Variants in DPY30 observed in about 807,000 individuals in gnomAD.
DPY30 encodes the protein dpy-30 histone methyltransferase complex regulatory subunit, also known as protein dpy-30 homolog.
In DPY30, 6 loss-of-function variants were observed where a neutral mutation model predicts 16.2. That is an observed-to-expected ratio of 0.37 (90% confidence interval 0.20 to 0.73). The LOEUF is 0.73. Ranked by LOEUF, DPY30 falls within the 30% of genes least tolerant of loss-of-function variation. The pLI is 0.51. For synonymous variants in DPY30, 39 were observed against 38.8 expected (o/e 1.00, Z -0.02); for missense variants, 73 against 113.1 (o/e 0.65, Z 1.61).
At chr2:32,018,290 T>A (rs1428696878) in intron 5 of DPY30, among the ~76,000 whole-genome samples, 1 of 152,144 alleles carries the variant, frequency 6.6e-6, no homozygotes, top group East Asian at 1.9e-4. Context: ...TTCCAAAAAA[T>A]TTGAAACTGA....
At chr2:32,039,224 T>A in intron 3 of DPY30, 55 bp downstream of exon 3, 1 of 1,612,630 alleles carries the variant, frequency 6.2e-7, no homozygotes, top group Non-Finnish European at 8.5e-7. Flanking sequence ...GATCCCAAGT[T>A]TTCTCCAGCT....
intron 3 of DPY30, 70 bp from the exon 4 acceptor site, chr2:32,029,806 TAATGGA>T (rs1675466028): frequency 7.1e-6 from 11 of 1,543,654 alleles, no homozygotes; most frequent in Non-Finnish European, 9.8e-6. Flanking sequence ...TAAACAAAAC[TAATGGA>T]AATATGACAC....
At chr2:32,035,531 A>C (rs1401794386) in intron 3 of DPY30, among the ~76,000 whole-genome samples, 1 of 151,702 alleles carries the variant, frequency 6.6e-6, no homozygotes, top group Non-Finnish European at 1.5e-5. Flanking sequence ...CGGAGATTAT[A>C]GTGAGCCAAG....
chr2:32,038,901 G>A (rs1044784832), intron 3 of DPY30, among the ~76,000 whole-genome samples: 1 of 152,168 alleles, frequency 6.6e-6, no homozygotes, highest in Non-Finnish European at 1.5e-5. Flanking sequence ...GCCAGCCTTG[G>A]CCTCCCAAAG....
Position 32,039,743 on chromosome 2 carries a change from G to A in DPY30, c.-47C>T, listed in dbSNP as rs1377795852. On this transcript the variant is annotated 5_prime_UTR_variant, in exon 1 of 5. Transcript: ENST00000342166. ...AAGGGAGCTGATTACCCGCGCCCAA[G>A]CCGTTCGTTCTTAAGAGCCCTGCAC... The A allele has an allele frequency of 5.5e-6, 3 of 546,306 alleles. No individual in the cohort carries two copies. In the African/African-American group the frequency reaches 5.7e-5, roughly 10 times the overall value. The allele number at this position is 546,306 out of a possible 1,614,324, so 33.8% of individuals were successfully genotyped here.
At position 32,039,476 on chromosome 2, in the gene DPY30, A is replaced by C; in HGVS notation, c.-20T>G. On this transcript the variant is annotated 5_prime_UTR_variant, in exon 2 of 5. Coordinates refer to ENST00000342166, the MANE Select transcript of DPY30 (RefSeq NM_001321209.2). The stretch of plus-strand genomic sequence containing the variant: ...CTCCATGGCGGACCCTGCAAGTCAC[A>C]GTCCCCGGATACCAGTCTTGGAAAA... The C allele has an allele frequency of 6.2e-7, 1 of 1,614,020 alleles. No individual in the cohort carries two copies. The highest frequency in any genetic ancestry group is 8.5e-7 in the Non-Finnish European group (1 of 1,180,010).
At chr2:32,030,464 A>T (rs1675492916) in intron 3 of DPY30, among the ~76,000 whole-genome samples, 1 of 151,898 alleles carries the variant, frequency 6.6e-6, no homozygotes, top group Non-Finnish European at 1.5e-5. Flanking sequence ...CCCCATCTCT[A>T]TTAAAAATAC....
At chr2:32,019,987 G>A (rs191631873), downstream of DPY30, among the ~76,000 whole-genome samples, 1 of 146,164 alleles carries the variant, frequency 6.8e-6, no homozygotes, top group East Asian at 2.0e-4. Flanking sequence ...GTTAAGATGG[G>A]TTTGAATCCC....
At position 32,024,168 on chromosome 2, in the gene DPY30, T is replaced by A. The variant is rs1286651524; in HGVS notation, c.*16A>T. 4 of 1,608,264 alleles carry A rather than the reference T, an allele frequency of 2.5e-6. No homozygotes were observed. The highest frequency in any genetic ancestry group is 1.1e-5 in the South Asian group (1 of 90,092). Reference sequence around the variant, plus strand: ...ATCTACAGTAGCAACTAAATTTTTCTGTTCTTCCCATTAAGTCAGTTTCGA... The same window carrying A: ...ATCTACAGTAGCAACTAAATTTTTCAGTTCTTCCCATTAAGTCAGTTTCGA... On this transcript the variant is annotated 3_prime_UTR_variant, in exon 5 of 5. Transcript: ENST00000342166.
chr2:32,021,636 G>A (rs1014377314), downstream of DPY30, among the ~76,000 whole-genome samples: 3 of 148,948 alleles, frequency 2.0e-5, no homozygotes, highest in African/African-American at 7.4e-5. Flanking sequence ...CTGAGATTGC[G>A]CCACTGCACT....
chr2:32,013,406 A>C (rs1226028873), intron 5 of DPY30: 1 of 152,204 alleles, frequency 6.6e-6, no homozygotes, highest in Non-Finnish European at 1.5e-5. Flanking sequence ...GGATGCTCTC[A>C]ATACGTGCCA....
intron 3 of DPY30, among the ~76,000 whole-genome samples, chr2:32,036,995 A>C (rs1202405744): frequency 6.6e-6 from 1 of 152,258 alleles, no homozygotes; most frequent in Non-Finnish European, 1.5e-5. Flanking sequence ...GATAGGAACG[A>C]TAGCAAGCTT....
chr2:32,016,452 T>C (rs989104055), intron 5 of DPY30, among the ~76,000 whole-genome samples: 1 of 152,210 alleles, frequency 6.6e-6, no homozygotes, highest in Non-Finnish European at 1.5e-5. Flanking sequence ...TCCAGGAAAA[T>C]ACCTGGCTAC....
At chr2:32,017,676 G>A (rs566470337) in intron 5 of DPY30, among the ~76,000 whole-genome samples, 1 of 151,420 alleles carries the variant, frequency 6.6e-6, no homozygotes, top group South Asian at 2.1e-4. Flanking sequence ...ATATTTGTGT[G>A]TATGCCCAAC....
intron 4 of DPY30, among the ~76,000 whole-genome samples, chr2:32,025,204 G>A (rs959626621): frequency 6.6e-6 from 1 of 152,174 alleles, no homozygotes; most frequent in Non-Finnish European, 1.5e-5. Context: ...AGTGGCTCAT[G>A]CCTGTAATCC....
In DPY30 at chr2:32,024,405, T is replaced by A. The variant is rs564528880; in HGVS notation, c.228-149A>T. 4.3e-5 allele frequency: 28 copies of A among 652,942 alleles called. No homozygotes were observed. The African/African-American group carries it at 4.9e-4, about 12-fold the overall frequency. 40.4% of individuals were successfully genotyped at this position (652,942 alleles called of 1,614,324 possible). A position where few individuals can be genotyped will look rare whatever the true frequency, so the allele number is the denominator to read the frequency against. ...TTTGTAGTAAATAAAATAAATGAGA[T>A]AAGCAAGCAAATTAATTAGCCAACA... is the stretch of plus-strand genomic sequence containing the variant. On this transcript the variant is annotated intron_variant, in intron 4 of 4. Coordinates refer to ENST00000342166, the MANE Select transcript of DPY30 (RefSeq NM_001321209.2).
At chr2:32,029,165 G>A (rs1314397077) in intron 4 of DPY30, among the ~76,000 whole-genome samples, 1 of 151,946 alleles carries the variant, frequency 6.6e-6, no homozygotes. Flanking sequence ...CCAGCTACCC[G>A]GGAGGCTGAG....
chr2:32,037,122 T>A (rs945206454), intron 3 of DPY30, among the ~76,000 whole-genome samples: 3 of 152,190 alleles, frequency 2.0e-5, no homozygotes, highest in Non-Finnish European at 4.4e-5. Flanking sequence ...CTGAATTTCT[T>A]ACCAGCGGAT....
intron 3 of DPY30, among the ~76,000 whole-genome samples, chr2:32,031,124 G>A (rs969521734): frequency 2.0e-5 from 3 of 152,070 alleles, no homozygotes; most frequent in Non-Finnish European, 4.4e-5. Context: ...TAAAACTAAT[G>A]TATTAAAAAA....
Sources: allele counts gnomAD v4.1 joint callset (sites outside exome capture counted in the v4.1 genomes callset), GRCh38; gene constraint gnomAD v4.1.1; transcripts MANE v1.5; gene names NCBI Gene and HGNC (gene_info 2026-07-23, HGNC 2026-07-21).